The following TCF3 variants were observed in gnomAD, a reference collection of about 807,000 sequenced individuals.
TCF3 encodes the protein transcription factor 3, also known as transcription factor E2-alpha.
Under a neutral mutation model 72.3 loss-of-function variants are expected in TCF3, and 54 were observed. The ratio of observed to expected loss-of-function variants is 0.75; its 90% CI spans 0.60 to 0.94. TCF3 has a LOEUF of 0.94. Ranked by LOEUF, TCF3 falls within the 40% of genes least tolerant of loss-of-function variation. The pLI is 0.00. For synonymous variants in TCF3, 525 were observed against 412.6 expected (o/e 1.27, Z -3.30); for missense variants, 1,078 against 934.4 (o/e 1.15, Z -2.00).
intron 2 of TCF3, among the ~76,000 whole-genome samples, 173 bp downstream of exon 2, chr19:1,650,004 G>A (rs770193809): frequency 3.3e-5 from 5 of 152,176 alleles, no homozygotes; most frequent in East Asian, 3.9e-4. Flanking sequence ...GCTGCCGTGC[G>A]CTGTCAGCCT....
intron 2 of TCF3, among the ~76,000 whole-genome samples, chr19:1,647,252 C>G (rs1319653985): frequency 6.6e-6 from 1 of 152,226 alleles, no homozygotes; most frequent in African/African-American, 2.4e-5. Context: ...GGCAACAAAC[C>G]CTTTTGCCAC....
chr19:1,615,140 G>A lies in TCF3; in HGVS notation c.1822+145C>T, dbSNP rs923559015. On this transcript the variant is annotated intron_variant, in intron 18 of 18. Transcript: ENST00000262965. The surrounding 1 kb of genome is among the most constrained non-coding windows in gnomAD (Gnocchi z 7.3). Reference sequence around the variant, plus strand: ...GACAGTCATGGCAATGCGGTCAGAGGGGTGAAGGGCACAGTCACTGCAAGG... The same window carrying A: ...GACAGTCATGGCAATGCGGTCAGAGAGGTGAAGGGCACAGTCACTGCAAGG... 7.3e-6 allele frequency: 7 copies of A among 961,666 alleles called. No individual in the cohort carries two copies. Among genetic ancestry groups the A allele is most frequent in the Non-Finnish European group, 1.1e-5 (7 of 665,522 alleles). The allele number at this position is 961,666 out of a possible 1,614,324, so 59.6% of individuals were successfully genotyped here. A position where few individuals can be genotyped will look rare whatever the true frequency, so the allele number is the denominator to read the frequency against.
chr19:1,633,074 C>T (rs1048641739), intron 3 of TCF3, among the ~76,000 whole-genome samples: 28 of 141,606 alleles, frequency 2.0e-4, no homozygotes, highest in African/African-American at 5.8e-4. Flanking sequence ...AGGGACGGGA[C>T]GAGGACCTTG....
chr19:1,626,488 G>C (rs1437695957), intron 6 of TCF3, among the ~76,000 whole-genome samples: 4 of 151,982 alleles, frequency 2.6e-5, no homozygotes, highest in Non-Finnish European at 5.9e-5. Context: ...TCATCATCCA[G>C]TGGCCCCACG....
At chr19:1,630,282 C>G (rs566694054) in intron 5 of TCF3, among the ~76,000 whole-genome samples, 1 of 152,182 alleles carries the variant, frequency 6.6e-6, no homozygotes, top group Admixed American at 6.5e-5. Flanking sequence ...TCACCTACCC[C>G]GTAAGGGGAA....
chr19:1,611,644 G>A lies in TCF3; in HGVS notation c.*63C>T. On this transcript the variant is annotated 3_prime_UTR_variant, in exon 19 of 19. Transcript: ENST00000262965. Reference sequence around the variant, plus strand: ...GTGGATGAAGCCCGGGGTCTCGAGTGGCCGTTCTGGGGCCAGAGCACAGGG... The same window carrying A: ...GTGGATGAAGCCCGGGGTCTCGAGTAGCCGTTCTGGGGCCAGAGCACAGGG... 1.3e-6 allele frequency: 2 copies of A among 1,560,224 alleles called. No individual in the cohort carries two copies. Among genetic ancestry groups the A allele is most frequent in the African/African-American group, 1.4e-5 (1 of 73,512 alleles).
At chr19:1,643,411 A>G (rs4807945) in intron 3 of TCF3, among the ~76,000 whole-genome samples, 76,198 of 152,040 alleles carry the variant, frequency 0.5, 20,594 homozygotes, top group East Asian at 0.89. Flanking sequence ...AGTAGAGATG[A>G]GGTTTTGCTG....
intron 5 of TCF3, among the ~76,000 whole-genome samples, chr19:1,629,182 CCT>C (rs1228053159): frequency 6.6e-6 from 1 of 151,994 alleles, no homozygotes; most frequent in Non-Finnish European, 1.5e-5. Context: ...CCTTCCTGAG[CCT>C]CAGTTTCCTC....
intron 2 of TCF3, among the ~76,000 whole-genome samples, chr19:1,647,414 G>A (rs1021857557): frequency 1.3e-5 from 2 of 152,248 alleles, no homozygotes; most frequent in Non-Finnish European, 2.9e-5. Flanking sequence ...CCAGCCAGGA[G>A]GCGAAGGCAC....
intron 18 of TCF3, chr19:1,612,534 T>C (rs2061111755): frequency 8.3e-7 from 1 of 1,199,868 alleles, no homozygotes; most frequent in Middle Eastern, 2.0e-4. Flanking sequence ...GTGTTTGTGC[T>C]GGTGTGGGCA....
In TCF3 at chr19:1,646,119, C is replaced by T. The variant is rs139788281; in HGVS notation, c.145+236G>A. 3.7e-3 allele frequency among the ~76,000 whole-genome samples: 560 copies of T among 152,250 alleles called. 3 individuals are homozygous for T. Among genetic ancestry groups the T allele is most frequent in the African/African-American group, 0.013 (524 of 41,536 alleles). ...CCAGCCCCCAGACCCAGGCTCCAGG[C>T]GCGGGAGGGACGAGGGGACGAGGGG... is the stretch of plus-strand genomic sequence containing the variant. On this transcript the variant is annotated intron_variant, in intron 3 of 18. Coordinates refer to ENST00000262965, the MANE Select transcript of TCF3 (RefSeq NM_003200.5).
chr19:1,631,946 C>G, intron 5 of TCF3, 92 bp downstream of exon 5: 5 of 1,551,616 alleles, frequency 3.2e-6, no homozygotes, highest in Non-Finnish European at 4.3e-6. Flanking sequence ...ACGCTGGGGA[C>G]TTGCCTGGCG....
In TCF3 at chr19:1,652,451, CCCCGCGTGGCCCGT is replaced by C. The variant is rs2067277579; in HGVS notation, c.-205_-192del. 7.0e-6 allele frequency: 1 copy of C among 143,602 alleles called. No homozygotes were observed. The highest frequency in any genetic ancestry group is 1.5e-5 in the Non-Finnish European group (1 of 64,648). The allele number at this position is 143,602 out of a possible 1,614,324, so 8.9% of individuals were successfully genotyped here. A position where few individuals can be genotyped will look rare whatever the true frequency, so the allele number is the denominator to read the frequency against. On this transcript the variant is annotated 5_prime_UTR_variant, in exon 1 of 19. Coordinates refer to ENST00000262965, the MANE Select transcript of TCF3 (RefSeq NM_003200.5). ...CGCGCGTGGCCCGGGCCCCTCCCAC[CCCCGCGTGGCCCGT>C]CCCGCGGGGCCCGTGCGCGCGGCCG...
Position 1,615,292 on chromosome 19 carries a change from T to G in TCF3, c.1815A>C (p.Gln605His). The part of the protein sequence containing the change: ...AVSVILNLEQ[Q>H]VRERNLNPKA... ...GCCCGCGCCCCCACTGACCTCGCAC[T>G]TGCTGCTCCAAGTTCAGGATGACCG... The change falls in exon 18 of 19, where the codon CAA (glutamine) becomes CAC (histidine). Residue 605 changes from glutamine to histidine, a missense_variant. Coordinates refer to ENST00000262965, the MANE Select transcript of TCF3 (RefSeq NM_003200.5). The surrounding 1 kb of genome is among the most constrained non-coding windows in gnomAD (Gnocchi z 7.3). 1 of 1,592,770 alleles carries G rather than the reference T, an allele frequency of 6.3e-7. No individual in the cohort carries two copies. Among genetic ancestry groups the G allele is most frequent in the Non-Finnish European group, 8.6e-7 (1 of 1,164,214 alleles).
Position 1,615,603 on chromosome 19 carries a change from TG to T in TCF3, c.1586+82del, listed in dbSNP as rs1490182045. The stretch of plus-strand genomic sequence containing the variant: ...GTGGGGCCCGCCGACGGCCTCCCAG[TG>T]TGGGTGCGGTGTGCGTGTGGCCTGT... On this transcript the variant is annotated intron_variant, in intron 17 of 18. Coordinates refer to ENST00000262965, the MANE Select transcript of TCF3 (RefSeq NM_003200.5). The surrounding 1 kb of genome is among the most constrained non-coding windows in gnomAD (Gnocchi z 7.3). The T allele has an allele frequency of 3.2e-5, 51 of 1,606,810 alleles. No individual in the cohort carries two copies. Among genetic ancestry groups the T allele is most frequent in the Non-Finnish European group, 4.3e-5 (51 of 1,179,364 alleles).
chr19:1,625,536 C>T (rs1356409588), intron 7 of TCF3, 40 bp downstream of exon 7: 1 of 1,525,262 alleles, frequency 6.6e-7, no homozygotes, highest in South Asian at 1.3e-5. Context: ...TGCAGGCTCC[C>T]TCCCAGAAGC....
At chr19:1,630,169 G>A (rs141481968) in intron 5 of TCF3, among the ~76,000 whole-genome samples, 9 of 152,294 alleles carry the variant, frequency 5.9e-5, no homozygotes, top group African/African-American at 1.7e-4. Flanking sequence ...CCACCCTGGG[G>A]CCATCGGGGG....
chr19:1,626,943 C>A (rs1431639771), intron 6 of TCF3, among the ~76,000 whole-genome samples: 2 of 152,184 alleles, frequency 1.3e-5, no homozygotes, highest in African/African-American at 4.8e-5. Context: ...CTGCATGGGA[C>A]CCCTGTGGCT....
At position 1,619,484 on chromosome 19, in the gene TCF3, G is replaced by C. The variant is rs776769677; in HGVS notation, c.1168-10C>G. 6.4e-7 allele frequency: 1 copy of C among 1,566,314 alleles called. No individual in the cohort carries two copies. Among genetic ancestry groups the C allele is most frequent in the Non-Finnish European group, 8.6e-7 (1 of 1,158,642 alleles). On this transcript the variant is annotated splice_polypyrimidine_tract_variant and intron_variant, in intron 14 of 18. Transcript: ENST00000262965. The stretch of plus-strand genomic sequence containing the variant: ...CTTCTATCTTACTCTGCTGCAGGGT[G>C]GGGGGATGGGTGGTGAGGGGCCCAA...
Sources: gnomAD v4.1 joint callset for allele counts (sites outside exome capture counted in the v4.1 genomes callset) on GRCh38, gnomAD v4.1.1 for gene constraint, Gnocchi (gnomAD v3.1) non-coding constraint, MANE v1.5 for transcripts, NCBI Gene and HGNC (gene_info 2026-07-23, HGNC 2026-07-21) for gene names.